PCDH10: variants seen among roughly 807,000 people sequenced by gnomAD.
PCDH10 encodes protocadherin-10.
Under a neutral mutation model 74.4 loss-of-function variants are expected in PCDH10, and 15 were observed. That is an observed-to-expected ratio of 0.20 (90% CI 0.13 to 0.31). The LOEUF (loss-of-function observed/expected upper bound fraction) is 0.31, where lower values mean the gene tolerates loss of function less well. PCDH10 is among the 10% of genes least tolerant of loss of function. PCDH10 has a pLI of 1.00. For missense variants in PCDH10, 1,260 were observed against 1,390.2 expected (o/e 0.91, Z 1.49); for synonymous variants, 619 against 589.8 (o/e 1.05, Z -0.72).
Position 133,149,321 on chromosome 4 carries a change from C to T in PCDH10, c.-820C>T, listed in dbSNP as rs1189623876. On this transcript the variant is annotated 5_prime_UTR_variant, in exon 1 of 5. Coordinates refer to ENST00000264360, the MANE Select transcript of PCDH10 (RefSeq NM_032961.3). ...AAACTGCCAGCCCAGACCACAGGCT[C>T]AGAGGCTGAAGCAGGAGGAAGGAAG... is the stretch of plus-strand genomic sequence containing the variant. 6.6e-6 allele frequency: 1 copy of T among 152,392 alleles called. No individual in the cohort carries two copies. The highest frequency in any genetic ancestry group is 1.5e-5 in the Non-Finnish European group (1 of 68,134). 9.4% of individuals were successfully genotyped at this position (152,392 alleles called of 1,614,324 possible).
intron 4 of PCDH10, among the ~76,000 whole-genome samples, chr4:133,184,041 A>G (rs1293831402): frequency 6.6e-6 from 1 of 152,148 alleles, no homozygotes; most frequent in African/African-American, 2.4e-5. Context: ...ATACACATAA[A>G]TTAAAATAAA....
chr4:133,176,059 C>G (rs1727289105), intron 4 of PCDH10, among the ~76,000 whole-genome samples: 1 of 152,118 alleles, frequency 6.6e-6, no homozygotes, highest in African/African-American at 2.4e-5. Flanking sequence ...TAGGTTTTCC[C>G]TAAGCATCAC....
At chr4:133,166,954 G>A (rs745749440) in intron 4 of PCDH10, among the ~76,000 whole-genome samples, 24 of 151,330 alleles carry the variant, frequency 1.6e-4, no homozygotes, top group Non-Finnish European at 5.9e-5. Flanking sequence ...TAAATCAATG[G>A]AGCTTTCTAG....
At chr4:133,173,009 C>T (rs968976586) in intron 4 of PCDH10, among the ~76,000 whole-genome samples, 3 of 151,852 alleles carry the variant, frequency 2.0e-5, no homozygotes, top group African/African-American at 2.4e-5. Flanking sequence ...GAAACTTAAT[C>T]CTTTGTTAAC....
At chr4:133,201,755 C>A (rs1420207244) in intron 2 of PCDH10, among the ~76,000 whole-genome samples, 3 of 148,340 alleles carry the variant, frequency 2.0e-5, no homozygotes, top group African/African-American at 7.5e-5. Flanking sequence ...ACTCTGGAGG[C>A]TGAGGCAAGA....
At chr4:133,204,476 G>A (rs1280963809) in intron 2 of PCDH10, among the ~76,000 whole-genome samples, 1 of 152,148 alleles carries the variant, frequency 6.6e-6, no homozygotes, top group East Asian at 1.9e-4. Context: ...AGGAGACTCA[G>A]GGACACTTGC....
intron 4 of PCDH10, among the ~76,000 whole-genome samples, chr4:133,179,231 T>C (rs1347841527): frequency 1.3e-5 from 2 of 152,132 alleles, no homozygotes; most frequent in Admixed American, 1.3e-4. Context: ...TCCAGTCCTT[T>C]CTGACTAGCT....
downstream of PCDH10, among the ~76,000 whole-genome samples, chr4:133,198,991 A>G (rs1727848876): frequency 6.6e-6 from 1 of 152,156 alleles, no homozygotes; most frequent in Admixed American, 6.6e-5. Context: ...ATGTAGCAAG[A>G]TAACTTGCCT....
chr4:133,174,484 A>G (rs1408934427), intron 4 of PCDH10, among the ~76,000 whole-genome samples: 2 of 151,890 alleles, frequency 1.3e-5, no homozygotes, highest in African/African-American at 4.8e-5. Flanking sequence ...TGTCCATTTT[A>G]TAGGCATGAG....
At chr4:133,185,585 T>C (rs941262115) in intron 4 of PCDH10, among the ~76,000 whole-genome samples, 2 of 152,114 alleles carry the variant, frequency 1.3e-5, no homozygotes, top group African/African-American at 4.8e-5. Context: ...GGGAGTAATT[T>C]GTTCAACTTC....
At position 133,190,403 on chromosome 4, in the gene PCDH10, G is replaced by A. The variant is rs182069724; in HGVS notation, c.*243G>A. ...GCAACAGATTTTGCCTCCCCGATCA[G>A]TGTGTGCCTGTTTACAGCACTATCT... On this transcript the variant is annotated 3_prime_UTR_variant, in exon 5 of 5. Coordinates refer to ENST00000264360, the MANE Select transcript of PCDH10 (RefSeq NM_032961.3). The A allele has an allele frequency of 6.5e-5, 36 of 552,778 alleles. No homozygotes were observed. In the East Asian group the frequency reaches 1.0e-3, roughly 16 times the overall value. 34.2% of individuals were successfully genotyped at this position (552,778 alleles called of 1,614,324 possible).
intron 4 of PCDH10, among the ~76,000 whole-genome samples, chr4:133,170,882 C>T (rs896895738): frequency 6.0e-5 from 9 of 150,754 alleles, no homozygotes; most frequent in Non-Finnish European, 1.0e-4. Flanking sequence ...TTAGTAGAGA[C>T]GAGGTGTCAT....
At chr4:133,169,572 A>G (rs954057117) in intron 4 of PCDH10, among the ~76,000 whole-genome samples, 1 of 151,842 alleles carries the variant, frequency 6.6e-6, no homozygotes, top group Admixed American at 6.6e-5. Context: ...ATTGATGTAA[A>G]ACTGTGTAAG....
At chr4:133,172,624 G>A (rs936761224) in intron 4 of PCDH10, among the ~76,000 whole-genome samples, 1 of 151,868 alleles carries the variant, frequency 6.6e-6, no homozygotes, top group South Asian at 2.1e-4. Flanking sequence ...ACCACCCAAA[G>A]CATTACTACT....
intron 4 of PCDH10, among the ~76,000 whole-genome samples, chr4:133,184,309 A>G (rs985480339): frequency 2.0e-5 from 3 of 152,044 alleles, no homozygotes; most frequent in African/African-American, 7.2e-5. Context: ...GAGAGTATGA[A>G]CCTTATGAAT....
Position 133,184,783 on chromosome 4 carries a change from T to TAA in PCDH10, c.3104-5356_3104-5355dup, listed in dbSNP as rs386401538. Among the ~76,000 whole-genome samples the TAA allele has an allele frequency of 2.9e-5, 4 of 138,498 alleles. No individual in the cohort carries two copies. The East Asian group carries it at 8.0e-4, about 28-fold the overall frequency. 90.9% of individuals were successfully genotyped at this position (138,498 alleles called of 152,430 possible). On this transcript the variant is annotated intron_variant, in intron 4 of 4. Transcript: ENST00000264360. ...ATGTGTAAATATATAAATATATATATAAATATATATATTTATATATATATA... is the reference window on the plus strand; with the variant it reads ...ATGTGTAAATATATAAATATATATATAAAAATATATATATTTATATATATATA...
intron 4 of PCDH10, among the ~76,000 whole-genome samples, chr4:133,173,529 C>A (rs1043767591): frequency 1.3e-5 from 2 of 151,950 alleles, no homozygotes; most frequent in African/African-American, 4.8e-5. Context: ...CACGTTCTAG[C>A]TGTGCATTGT....
chr4:133,195,144 C>T (rs1727769749), downstream of PCDH10, among the ~76,000 whole-genome samples: 1 of 151,950 alleles, frequency 6.6e-6, no homozygotes, highest in Non-Finnish European at 1.5e-5. Context: ...ATACTTTTTA[C>T]AATATGAAAA....
intron 4 of PCDH10, among the ~76,000 whole-genome samples, chr4:133,189,577 G>C (rs1220891937): frequency 6.6e-6 from 1 of 151,814 alleles, no homozygotes; most frequent in Non-Finnish European, 1.5e-5. Context: ...TTAAAAAAAT[G>C]TATGGGCCAT....
Sources: allele counts gnomAD v4.1 joint callset (sites outside exome capture counted in the v4.1 genomes callset), GRCh38; gene constraint gnomAD v4.1.1; transcripts MANE v1.5; gene names NCBI Gene and HGNC (gene_info 2026-07-23, HGNC 2026-07-21).